Variants in RO60 observed in about 807,000 individuals in gnomAD.
RO60 encodes Ro60, Y RNA binding protein.
Under a neutral mutation model 55.3 loss-of-function variants are expected in RO60, and 20 were observed. That is an observed-to-expected ratio of 0.36 (90% CI 0.25 to 0.53). RO60 has a LOEUF of 0.53. RO60 is among the 20% of genes least tolerant of loss of function. The probability of loss-of-function intolerance (pLI) is 0.92; values close to 1 mark genes in which losing one functional copy is unlikely to be tolerated. For missense variants in RO60, 558 were observed against 646.6 expected (o/e 0.86, Z 1.49); for synonymous variants, 213 against 213.6 (o/e 1.00, Z 0.02).
chr1:193,085,397 C>T lies in RO60; in HGVS notation c.*666C>T. The T allele has an allele frequency of 1.0e-6, 1 of 987,692 alleles. No homozygotes were observed. Among genetic ancestry groups the T allele is most frequent in the Non-Finnish European group, 1.2e-6 (1 of 832,124 alleles). The allele number at this position is 987,692 out of a possible 1,614,324, so 61.2% of individuals were successfully genotyped here. The stretch of plus-strand genomic sequence containing the variant: ...TTAATCAGAAACATCATGGCAACCC[C>T]TAAGAATAGACTAAGTTTGTGTTGG... On this transcript the variant is annotated 3_prime_UTR_variant, in exon 9 of 9. Transcript: ENST00000400968.
chr1:193,068,885 T>A, intron 1 of RO60, 149 bp from the exon 2 acceptor site: 1 of 553,354 alleles, frequency 1.8e-6, no homozygotes, highest in Non-Finnish European at 3.0e-6. Context: ...ACATTTATAT[T>A]GATTTTGTAC....
In RO60 at chr1:193,082,312, GT is replaced by G; in HGVS notation, c.1317+19del. 1.3e-6 allele frequency: 2 copies of G among 1,545,570 alleles called. No individual in the cohort carries two copies. The highest frequency in any genetic ancestry group is 8.8e-7 in the Non-Finnish European group (1 of 1,130,202). On this transcript the variant is annotated intron_variant, in intron 7 of 8. Transcript: ENST00000400968. ...GGCTATGAGTCAGGTAAGAAACTGT[GT>G]TTTTTAAGTTTACTTAGTTAAGTTT... is the stretch of plus-strand genomic sequence containing the variant.
chr1:193,091,546 T>C, downstream of RO60: 1 of 897,042 alleles, frequency 1.1e-6, no homozygotes, highest in Non-Finnish European at 1.7e-6. Flanking sequence ...CAATGTAATT[T>C]TGCTGTTTTC....
chr1:193,085,384 A>G lies in RO60; in HGVS notation c.*653A>G, dbSNP rs1419633692. 1.4e-5 allele frequency: 14 copies of G among 990,458 alleles called. No homozygotes were observed. Among genetic ancestry groups the G allele is most frequent in the Non-Finnish European group, 1.6e-5 (13 of 833,506 alleles). 61.4% of individuals were successfully genotyped at this position (990,458 alleles called of 1,614,324 possible). ...GAATATGTTACCATTAATCAGAAACATCATGGCAACCCCTAAGAATAGACT... is the reference window on the plus strand; with the variant it reads ...GAATATGTTACCATTAATCAGAAACGTCATGGCAACCCCTAAGAATAGACT... On this transcript the variant is annotated 3_prime_UTR_variant, in exon 9 of 9. Transcript: ENST00000400968.
Position 193,089,564 on chromosome 1 carries a change from A to G in RO60, c.*4833A>G, listed in dbSNP as rs1299706728. On this transcript the variant is annotated 3_prime_UTR_variant, in exon 9 of 9. Coordinates refer to ENST00000400968, the MANE Select transcript of RO60 (RefSeq NM_001173524.2). ...TATAATAAATGGCACAATTCCTTAA[A>G]CCCTGAAAATACCAAGTTATATTGG... 3 of 152,156 alleles carry G rather than the reference A, an allele frequency of 2.0e-5. No individual in the cohort carries two copies. The highest frequency in any genetic ancestry group is 4.4e-5 in the Non-Finnish European group (3 of 68,012). The allele number at this position is 152,156 out of a possible 1,614,324, so 9.4% of individuals were successfully genotyped here.
chr1:193,082,795 C>A, intron 8 of RO60, 87 bp downstream of exon 8: 3 of 1,157,026 alleles, frequency 2.6e-6, no homozygotes, highest in Non-Finnish European at 3.6e-6. Flanking sequence ...GACAGGACCT[C>A]ATTCTGTTGC....
chr1:193,075,164 A>G (rs1673819215), intron 2 of RO60, among the ~76,000 whole-genome samples: 2 of 152,176 alleles, frequency 1.3e-5, no homozygotes, highest in South Asian at 2.1e-4. Context: ...ACTAAGACCT[A>G]GAAAGACCAC....
At chr1:193,063,743 T>G (rs1325920182) in intron 1 of RO60, among the ~76,000 whole-genome samples, 2 of 152,208 alleles carry the variant, frequency 1.3e-5, no homozygotes, top group African/African-American at 4.8e-5. Context: ...GCCATTAATT[T>G]GGACACCAGC....
intron 1 of RO60, among the ~76,000 whole-genome samples, chr1:193,063,218 G>C (rs989131141): frequency 1.3e-5 from 2 of 152,114 alleles, no homozygotes; most frequent in Non-Finnish European, 2.9e-5. Context: ...AGCTGTCCTA[G>C]TGGATGTGAA....
chr1:193,067,428 G>A (rs1334865761), intron 1 of RO60, among the ~76,000 whole-genome samples: 10 of 151,750 alleles, frequency 6.6e-5, no homozygotes, highest in Admixed American at 5.3e-4. Context: ...CTCGTGATCC[G>A]CCCGTCTCGG....
intron 2 of RO60, among the ~76,000 whole-genome samples, chr1:193,073,591 T>A (rs1673670130): frequency 6.6e-6 from 1 of 152,128 alleles, no homozygotes; most frequent in South Asian, 2.1e-4. Context: ...TTTGTTTGTT[T>A]GAGACAGAGT....
Position 193,087,971 on chromosome 1 carries a change from A to G in RO60, c.*3240A>G, listed in dbSNP as rs1370709206. ...AAAATATACTCCAAGATCTTCTTGGACAGACCTAGAAAAACAAGCTTATAC... is the reference window on the plus strand; with the variant it reads ...AAAATATACTCCAAGATCTTCTTGGGCAGACCTAGAAAAACAAGCTTATAC... On this transcript the variant is annotated 3_prime_UTR_variant, in exon 9 of 9. Coordinates refer to ENST00000400968, the MANE Select transcript of RO60 (RefSeq NM_001173524.2). 6.6e-6 allele frequency: 1 copy of G among 151,954 alleles called. No individual in the cohort carries two copies. The highest frequency in any genetic ancestry group is 2.4e-5 in the African/African-American group (1 of 41,344). The allele number at this position is 151,954 out of a possible 1,614,324, so 9.4% of individuals were successfully genotyped here.
At chr1:193,070,464 A>T (rs1345151410) in intron 2 of RO60, 1 of 325,192 alleles carries the variant, frequency 3.1e-6, no homozygotes, top group Non-Finnish European at 6.4e-6. Flanking sequence ...AAATAAGAAA[A>T]ACTCTTGGGC....
chr1:193,073,913 G>C (rs1376476013), intron 2 of RO60, among the ~76,000 whole-genome samples: 4 of 134,978 alleles, frequency 3.0e-5, no homozygotes, highest in African/African-American at 1.3e-4. Flanking sequence ...ACAGGCCCTG[G>C]TGTGTGATGT....
intron 8 of RO60, among the ~76,000 whole-genome samples, chr1:193,083,307 G>A (rs1192123030): frequency 6.6e-6 from 1 of 151,942 alleles, no homozygotes; most frequent in Non-Finnish European, 1.5e-5. Flanking sequence ...AATTCAGTGT[G>A]CTCCTTGAAA....
At chr1:193,062,731 T>G (rs1672862959) in intron 1 of RO60, among the ~76,000 whole-genome samples, 1 of 152,226 alleles carries the variant, frequency 6.6e-6, no homozygotes, top group African/African-American at 2.4e-5. Flanking sequence ...TACTTTTTAT[T>G]TCTATGAATT....
rs1674747807 is a variant in RO60, at chr1:193,089,096, C to A, written c.*4365C>A. Reference sequence around the variant, plus strand: ...CAATAAGTAGATTGATACACTCCTCCCCAAATCAAATTATATTGTATATCT... The same window carrying A: ...CAATAAGTAGATTGATACACTCCTCACCAAATCAAATTATATTGTATATCT... On this transcript the variant is annotated 3_prime_UTR_variant, in exon 9 of 9. Coordinates refer to ENST00000400968, the MANE Select transcript of RO60 (RefSeq NM_001173524.2). 1 of 152,026 alleles carries A rather than the reference C, an allele frequency of 6.6e-6. No individual in the cohort carries two copies. The highest frequency in any genetic ancestry group is 2.4e-5 in the African/African-American group (1 of 41,374). The allele number at this position is 152,026 out of a possible 1,614,324, so 9.4% of individuals were successfully genotyped here. A position where few individuals can be genotyped will look rare whatever the true frequency, so the allele number is the denominator to read the frequency against.
Position 193,082,540 on chromosome 1 carries a change from T to C in RO60, c.1318-22T>C, listed in dbSNP as rs369548842. 2.2e-5 allele frequency: 36 copies of C among 1,612,332 alleles called. No homozygotes were observed. The African/African-American group carries it at 4.8e-4, about 22-fold the overall frequency. ...TTTAAGGATTTATTTACTTATTTAT[T>C]CATGCTTTTGTTCCGAATTAGATCC... On this transcript the variant is annotated intron_variant, in intron 7 of 8. Transcript: ENST00000400968.
In RO60 at chr1:193,069,465, A is replaced by G. The variant is rs1482565930; in HGVS notation, c.411A>G (p.Glu137=). ...TFIQFKKDLK[E]SMKCGMWGRA... ...TCCAGTTTAAGAAAGATCTGAAGGAAAGCATGAAATGTGGCATGTGGGGTC... is the reference window on the plus strand; with the variant it reads ...TCCAGTTTAAGAAAGATCTGAAGGAGAGCATGAAATGTGGCATGTGGGGTC... Residue 137 remains glutamate, a synonymous_variant, in exon 2 of 9, where the codon GAA becomes GAG. Coordinates refer to ENST00000400968, the MANE Select transcript of RO60 (RefSeq NM_001173524.2). 1 of 1,614,244 alleles carries G rather than the reference A, an allele frequency of 6.2e-7. No individual in the cohort carries two copies.
Sources: allele counts gnomAD v4.1 joint callset (sites outside exome capture counted in the v4.1 genomes callset), GRCh38; gene constraint gnomAD v4.1.1; transcripts MANE v1.5; gene names NCBI Gene and HGNC (gene_info 2026-07-23, HGNC 2026-07-21).